The following CELF2 variants were observed in gnomAD, a reference collection of about 807,000 sequenced individuals.
CELF2 encodes CUGBP Elav-like family member 2.
A neutral mutation model predicts 62.6 loss-of-function variants in CELF2; 8 were observed. The ratio of observed to expected loss-of-function variants is 0.13; its 90% CI spans 0.07 to 0.23. The LOEUF (loss-of-function observed/expected upper bound fraction) is 0.23. Among genes scored for constraint, CELF2 ranks in the 10% least tolerant of loss-of-function variants. The probability of loss-of-function intolerance (pLI) is 1.00; values close to 1 mark genes in which losing one functional copy is unlikely to be tolerated. For missense variants in CELF2, 333 were observed against 671.0 expected (o/e 0.50, Z 5.56); for synonymous variants, 258 against 250.0 (o/e 1.03, Z -0.30).
intron 1 of CELF2, among the ~76,000 whole-genome samples, chr10:10,828,159 A>G (rs1459249623): frequency 6.6e-6 from 1 of 152,182 alleles, no homozygotes; most frequent in Admixed American, 6.5e-5. Context: ...ACTTCTGGGT[A>G]TGTACCCAAA....
chr10:11,162,817 G>T (rs1389915454), intron 1 of CELF2, among the ~76,000 whole-genome samples: 1 of 152,216 alleles, frequency 6.6e-6, no homozygotes, highest in Non-Finnish European at 1.5e-5. Context: ...CCGACACTGA[G>T]AGAGCCCTTA....
the CELF2 span, among the ~76,000 whole-genome samples, chr10:10,642,100 G>T: frequency 6.6e-6 from 1 of 152,190 alleles, no homozygotes; most frequent in Non-Finnish European, 1.5e-5. Context: ...CATCATGGGG[G>T]AAAGGAAGAC....
chr10:10,657,845 C>G, the CELF2 span, among the ~76,000 whole-genome samples: 3 of 152,076 alleles, frequency 2.0e-5, no homozygotes, highest in Non-Finnish European at 4.4e-5. Context: ...ATATGTTGAG[C>G]TATTTCATAA....
At chr10:11,264,713 T>C (rs2081661042) in intron 5 of CELF2, among the ~76,000 whole-genome samples, 1 of 152,228 alleles carries the variant, frequency 6.6e-6, no homozygotes, top group Admixed American at 6.5e-5. Context: ...TCCTGTCCTC[T>C]GTCCCACACT....
chr10:10,769,299 A>G, the CELF2 span, among the ~76,000 whole-genome samples: 1 of 152,158 alleles, frequency 6.6e-6, no homozygotes, highest in African/African-American at 2.4e-5. Flanking sequence ...TCCATCAATG[A>G]ATGATGGGAA....
chr10:10,949,826 CAA>C (rs35952853), intron 2 of CELF2, among the ~76,000 whole-genome samples: 6,642 of 82,304 alleles, frequency 0.081, 218 homozygotes, highest in African/African-American at 0.13. Flanking sequence ...ACACACACAC[CAA>C]AAAAAAAAAA....
In CELF2 at chr10:11,192,322, A is replaced by G. The variant is rs76027972; in HGVS notation, c.272-25103A>G. Among the ~76,000 whole-genome samples the G allele has an allele frequency of 9.7e-3, 1,476 of 152,356 alleles. 19 individuals are homozygous for G. Among genetic ancestry groups the G allele is most frequent in the African/African-American group, 0.03 (1,254 of 41,584 alleles). On this transcript the variant is annotated intron_variant, in intron 2 of 12. Transcript: ENST00000633077. Reference sequence around the variant, plus strand: ...GTAGTTAGTTGGAGGAACCAAGGGCATGGCCTCTTTTATTCTAGTGACATT... The same window carrying G: ...GTAGTTAGTTGGAGGAACCAAGGGCGTGGCCTCTTTTATTCTAGTGACATT...
chr10:10,860,927 T>TA (rs201818864), intron 1 of CELF2, among the ~76,000 whole-genome samples: 4 of 152,264 alleles, frequency 2.6e-5, no homozygotes, highest in South Asian at 2.1e-4. Flanking sequence ...TATTCTTTTT[T>TA]TATATATATA....
At chr10:10,937,836 T>C (rs1482430195) in intron 2 of CELF2, among the ~76,000 whole-genome samples, 1 of 152,150 alleles carries the variant, frequency 6.6e-6, no homozygotes, top group Admixed American at 6.6e-5. Flanking sequence ...AGTGTATGAA[T>C]GTATATATAT....
rs1241846539 is a variant in CELF2, at chr10:10,947,649, AG to A, written c.89+27651del. The A allele has an allele frequency of 1.3e-5, 2 of 152,582 alleles. No individual in the cohort carries two copies. The highest frequency in any genetic ancestry group is 1.5e-5 in the Non-Finnish European group (1 of 68,042). 9.5% of individuals were successfully genotyped at this position (152,582 alleles called of 1,614,324 possible). Reference sequence around the variant, plus strand: ...CCTGGCTTTCAAGTTTACAGAATAAAGAAATGTATGAGGGGATGAGTGCCTA... The same window carrying A: ...CCTGGCTTTCAAGTTTACAGAATAAAAAATGTATGAGGGGATGAGTGCCTA... On this transcript the variant is annotated intron_variant, in intron 2 of 13. Coordinates refer to the CELF2 transcript ENST00000636488. The surrounding 1 kb of genome is among the most constrained non-coding windows in gnomAD (Gnocchi z 4.1).
At chr10:10,618,157 A>G in the CELF2 span, among the ~76,000 whole-genome samples, 2 of 152,056 alleles carry the variant, frequency 1.3e-5, no homozygotes, top group South Asian at 2.1e-4. Context: ...TTTCCAATCC[A>G]GTATCTGGAA....
intron 1 of CELF2, among the ~76,000 whole-genome samples, chr10:11,061,887 A>C (rs2066827813): frequency 6.6e-6 from 1 of 152,192 alleles, no homozygotes; most frequent in Non-Finnish European, 1.5e-5. Flanking sequence ...ATCTCAGCTC[A>C]CTGTAACCTT....
intron 1 of CELF2, among the ~76,000 whole-genome samples, chr10:10,854,221 G>C (rs528026408): frequency 1.3e-5 from 2 of 152,318 alleles, no homozygotes; most frequent in South Asian, 4.1e-4. Context: ...AGTGTCAAAA[G>C]AGCCTGTGTC....
intron 7 of CELF2, among the ~76,000 whole-genome samples, chr10:11,272,690 C>G (rs957252330): frequency 6.6e-6 from 1 of 152,208 alleles, no homozygotes; most frequent in Admixed American, 6.5e-5. Context: ...ATGGGTGATT[C>G]TTTCTTGGCC....
rs2093183852 is a variant in CELF2 at position 11,296,345 on chromosome 10, T to G, written c.976+7793T>G. 6.6e-6 allele frequency among the ~76,000 whole-genome samples: 1 copy of G among 152,210 alleles called. No individual in the cohort carries two copies. The highest frequency in any genetic ancestry group is 6.5e-5 in the Admixed American group (1 of 15,270). On this transcript the variant is annotated intron_variant, in intron 9 of 12. Coordinates refer to ENST00000633077, the MANE Select transcript of CELF2 (RefSeq NM_001326342.2). The surrounding 1 kb of genome is among the most constrained non-coding windows in gnomAD (Gnocchi z 5.0). ...GTGGCAAATCCACATCAGATCCCCT[T>G]GTGATGTTTATATGAGCTCAGGCTG...
chr10:10,951,223 A>G (rs1257444878), intron 2 of CELF2, among the ~76,000 whole-genome samples: 1 of 152,088 alleles, frequency 6.6e-6, no homozygotes, highest in Non-Finnish European at 1.5e-5. Flanking sequence ...AGTTCTCAGC[A>G]GCCTCGACCT....
intron 2 of CELF2, among the ~76,000 whole-genome samples, chr10:10,926,483 T>A (rs2065468779): frequency 6.6e-6 from 1 of 152,172 alleles, no homozygotes; most frequent in South Asian, 2.1e-4. Context: ...TCTCTGTTCT[T>A]TGTCAATTAC....
In CELF2 at chr10:11,255,176, G is replaced by A. The variant is rs1397839703; in HGVS notation, c.404-2562G>A. On this transcript the variant is annotated intron_variant, in intron 4 of 12. Coordinates refer to ENST00000633077, the MANE Select transcript of CELF2 (RefSeq NM_001326342.2). This position sits in a 1 kb window ranked among gnomAD's most constrained non-coding sequence, Gnocchi z 5.5. ...TCCATGCTACTTTGCCTTCTCTGAA[G>A]GGAGGAAAAAGAACTTGAATTAGAA... 6.6e-6 allele frequency among the ~76,000 whole-genome samples: 1 copy of A among 152,214 alleles called. No individual in the cohort carries two copies. The highest frequency in any genetic ancestry group is 1.5e-5 in the Non-Finnish European group (1 of 68,036).
intron 1 of CELF2, among the ~76,000 whole-genome samples, chr10:10,828,844 A>G (rs993145629): frequency 2.0e-5 from 3 of 152,206 alleles, no homozygotes; most frequent in Non-Finnish European, 4.4e-5. Flanking sequence ...TGAATAAGCA[A>G]TGGATGAAGG....
Sources: allele counts gnomAD v4.1 joint callset (sites outside exome capture counted in the v4.1 genomes callset), GRCh38; gene constraint gnomAD v4.1.1; non-coding constraint Gnocchi (gnomAD v3.1); transcripts MANE v1.5; gene names NCBI Gene and HGNC (gene_info 2026-07-23, HGNC 2026-07-21).